The following AARS1 variants were observed in gnomAD, a reference collection of about 807,000 sequenced individuals.
AARS1 encodes the protein alanine--tRNA ligase, cytoplasmic.
A neutral mutation model predicts 108.9 loss-of-function variants in AARS1; 72 were observed. That is an observed-to-expected ratio of 0.66 (90% CI 0.55 to 0.80). The LOEUF is 0.80. AARS1 is among the 30% of genes least tolerant of loss of function. The pLI, the probability that AARS1 is intolerant of heterozygous loss-of-function variation, is 0.00. For missense variants in AARS1, 1,193 were observed against 1,233.2 expected (o/e 0.97, Z 0.49); for synonymous variants, 489 against 465.7 (o/e 1.05, Z -0.64).
At chr16:70,272,217 T>C (rs1248912527) in intron 4 of AARS1, among the ~76,000 whole-genome samples, 1 of 152,094 alleles carries the variant, frequency 6.6e-6, no homozygotes, top group East Asian at 1.9e-4. Flanking sequence ...TTAAACCTGC[T>C]AAAGAAGCTG....
intron 14 of AARS1, 43 bp from the exon 15 acceptor site, chr16:70,258,260 G>A (rs758890265): frequency 6.4e-7 from 1 of 1,553,550 alleles, no homozygotes; most frequent in South Asian, 1.2e-5. Flanking sequence ...AGAGATCCCT[G>A]GAGGTGCGGT....
chr16:70,272,854 G>A (rs889128046), intron 4 of AARS1, among the ~76,000 whole-genome samples: 4 of 147,670 alleles, frequency 2.7e-5, no homozygotes, highest in African/African-American at 7.7e-5. Context: ...AGGCTGCAGT[G>A]AGCTGTGATC....
At chr16:70,287,256 A>G (rs78570051) in intron 1 of AARS1, among the ~76,000 whole-genome samples, 1 of 58,544 alleles carries the variant, frequency 1.7e-5, no homozygotes, top group Non-Finnish European at 3.8e-5. Flanking sequence ...CTCCGTCTCA[A>G]AAAAAAAAAA....
rs1321028089 is a variant in AARS1, at chr16:70,258,094, A to T, written c.2116T>A (p.Leu706Met). 1 of 1,613,932 alleles carries T rather than the reference A, an allele frequency of 6.2e-7. No homozygotes were observed. The highest frequency in any genetic ancestry group is 1.3e-5 in the African/African-American group (1 of 74,890). The change falls in exon 15 of 21, where the codon TTG (leucine) becomes ATG (methionine). Residue 706 changes from leucine (L) to methionine (M), a missense_variant. Coordinates refer to ENST00000261772, the MANE Select transcript of AARS1 (RefSeq NM_001605.3). Reference sequence around the variant, plus strand: ...GCAGGCCCAGAGGGGTCATCCAGCAACTCGGACACCGGGACCCCAATGGAG... The same window carrying T: ...GCAGGCCCAGAGGGGTCATCCAGCATCTCGGACACCGGGACCCCAATGGAG... ...VVSIGVPVSE[L>M]LDDPSGPAGS... is the part of the protein sequence containing the mutation.
Position 70,253,916 on chromosome 16 carries a change from C to T in AARS1, c.2520+3G>A, listed in dbSNP as rs1246702566. The T allele has an allele frequency of 6.2e-7, 1 of 1,614,248 alleles. No homozygotes were observed. Among genetic ancestry groups the T allele is most frequent in the South Asian group, 1.1e-5 (1 of 91,088 alleles). ...TCTGGCCACTGGTGCTGCCAGGACTCACTCGTTTCTGGACATCGGCTTTGC... is the reference window on the plus strand; with the variant it reads ...TCTGGCCACTGGTGCTGCCAGGACTTACTCGTTTCTGGACATCGGCTTTGC... On this transcript the variant is annotated splice_donor_region_variant and intron_variant, in intron 18 of 20. Transcript: ENST00000261772.
chr16:70,276,221 T>A lies in AARS1; in HGVS notation c.479+265A>T, dbSNP rs371827123. 946 of 206,132 alleles carry A rather than the reference T, an allele frequency of 4.6e-3. 3 individuals are homozygous for A. Among genetic ancestry groups the A allele is most frequent in the South Asian group, 0.011 (128 of 11,794 alleles). 12.8% of individuals were successfully genotyped at this position (206,132 alleles called of 1,614,324 possible). A position where few individuals can be genotyped will look rare whatever the true frequency, so the allele number is the denominator to read the frequency against. ...CAGAGCAAGCTCTGTCTCAAAAAAA[T>A]AAATAAATAAATAAATAAAGATATT... On this transcript the variant is annotated intron_variant, in intron 4 of 20. Transcript: ENST00000261772.
At chr16:70,259,257 C>A in intron 13 of AARS1, 71 bp from the exon 14 acceptor site, 1 of 1,473,892 alleles carries the variant, frequency 6.8e-7, no homozygotes. Flanking sequence ...TATCTGCTCC[C>A]CCGAGTGCTA....
At chr16:70,274,185 A>T (rs1457995314) in intron 4 of AARS1, among the ~76,000 whole-genome samples, 1 of 149,246 alleles carries the variant, frequency 6.7e-6, no homozygotes, top group Non-Finnish European at 1.5e-5. Flanking sequence ...GAAAAAAAAA[A>T]AAAAAATTAG....
intron 7 of AARS1, among the ~76,000 whole-genome samples, 173 bp downstream of exon 7, chr16:70,269,445 A>C (rs1460359785): frequency 2.6e-5 from 4 of 151,654 alleles, no homozygotes; most frequent in Non-Finnish European, 1.5e-5. Context: ...GCTGAGGCAG[A>C]ATCACTTGAA....
At chr16:70,281,741 A>G (rs1313330677) in intron 2 of AARS1, among the ~76,000 whole-genome samples, 1 of 152,184 alleles carries the variant, frequency 6.6e-6, no homozygotes, top group Non-Finnish European at 1.5e-5. Flanking sequence ...AGTCCTAGCT[A>G]CTTGGAAGGC....
rs182948805 is a variant in AARS1 at position 70,282,575 on chromosome 16, C to T, written c.144+45G>A. 1.6e-4 allele frequency: 255 copies of T among 1,611,528 alleles called. 2 individuals carry two copies. The highest frequency in any genetic ancestry group is 1.5e-3 in the South Asian group (141 of 90,986). On this transcript the variant is annotated intron_variant, in intron 2 of 20. Coordinates refer to ENST00000261772, the MANE Select transcript of AARS1 (RefSeq NM_001605.3). ...CTGTGCTTTTATCTGGGCTCTGCTG[C>T]CTCTTATGTGAACCAAAAGCCAAGA...
At chr16:70,288,515 C>A (rs1485296752) in intron 1 of AARS1, among the ~76,000 whole-genome samples, 3 of 151,802 alleles carry the variant, frequency 2.0e-5, no homozygotes, top group African/African-American at 7.3e-5. Flanking sequence ...ATGTGCGCCT[C>A]CCCCATCAGG....
At chr16:70,265,411 GA>G in intron 10 of AARS1, 126 bp downstream of exon 10, 3 of 1,445,246 alleles carry the variant, frequency 2.1e-6, no homozygotes, top group Non-Finnish European at 2.9e-6. Flanking sequence ...CCCCACTTGA[GA>G]ACCACTGATC....
rs990236757 is a variant in AARS1, at chr16:70,253,493, G to C, written c.2608-112C>G. 1.7e-5 allele frequency: 18 copies of C among 1,088,542 alleles called. No homozygotes were observed. In the East Asian group the frequency reaches 4.5e-4, roughly 27 times the overall value. 67.4% of individuals were successfully genotyped at this position (1,088,542 alleles called of 1,614,324 possible). On this transcript the variant is annotated intron_variant, in intron 19 of 20. Transcript: ENST00000261772. ...CCCACCCCTACCCCTTCCCAGAGCA[G>C]GGGCTGTGCCCAGGGCCTGTGGGGA...
chr16:70,254,373 C>A, intron 17 of AARS1: 1 of 585,312 alleles, frequency 1.7e-6, no homozygotes, highest in Admixed American at 2.9e-5. Flanking sequence ...CCAAATCCCT[C>A]CACCCCAGTG....
At chr16:70,255,896 G>A (rs951033390) in intron 15 of AARS1, 60 bp from the exon 16 acceptor site, 5 of 1,491,260 alleles carry the variant, frequency 3.4e-6, no homozygotes, top group Non-Finnish European at 4.6e-6. Flanking sequence ...TGGCTGGGGG[G>A]TCACACTAGC....
intron 4 of AARS1, among the ~76,000 whole-genome samples, chr16:70,274,525 A>T (rs1960490525): frequency 6.6e-6 from 1 of 151,548 alleles, no homozygotes; most frequent in African/African-American, 2.4e-5. Flanking sequence ...GGAGTTCAAG[A>T]CCAGCCTGGC....
At position 70,255,781 on chromosome 16, in the gene AARS1, T is replaced by TG; in HGVS notation, c.2232dup (p.Ile745HisfsTer53). ...ACAATCCTCCGGATACCCTTGGCAATGGCTTCTTCCGTCACGATCACAAAA... is the reference window on the plus strand; with the variant it reads ...ACAATCCTCCGGATACCCTTGGCAATGGGCTTCTTCCGTCACGATCACAAAA... On this transcript the variant is annotated frameshift_variant, in exon 16 of 21. Coordinates refer to ENST00000261772, the MANE Select transcript of AARS1 (RefSeq NM_001605.3). LOFTEE classifies it high-confidence loss of function. 1 of 1,614,214 alleles carries TG rather than the reference T, an allele frequency of 6.2e-7. No individual in the cohort carries two copies. The highest frequency in any genetic ancestry group is 1.1e-5 in the South Asian group (1 of 91,084).
chr16:70,255,194 ATTTTTT>A (rs946837808), intron 16 of AARS1, among the ~76,000 whole-genome samples: 3 of 104,270 alleles, frequency 2.9e-5, no homozygotes, highest in East Asian at 2.8e-4. Flanking sequence ...CCAGATTCAC[ATTTTTT>A]TTTTTTTTTT....
Sources: allele counts gnomAD v4.1 joint callset (sites outside exome capture counted in the v4.1 genomes callset), GRCh38; gene constraint gnomAD v4.1.1; transcripts MANE v1.5; gene names NCBI Gene and HGNC (gene_info 2026-07-23, HGNC 2026-07-21).